Variants in GDA observed in about 807,000 individuals in gnomAD.
GDA encodes guanine deaminase.
A neutral mutation model predicts 59.6 loss-of-function variants in GDA; 18 were observed. The ratio of observed to expected loss-of-function variants is 0.30; its 90% CI spans 0.21 to 0.45. The LOEUF is 0.45. Among genes scored for constraint, GDA ranks in the 20% least tolerant of loss-of-function variants. GDA has a pLI of 1.00. For missense variants in GDA, 427 were observed against 552.3 expected, an observed-to-expected ratio of 0.77 and a Z score of 2.27; for synonymous variants, 201 against 201.1, an observed-to-expected ratio of 1.00 and a Z score of 0.00.
upstream of GDA, among the ~76,000 whole-genome samples, chr9:72,145,743 T>A (rs1826604314): frequency 6.6e-6 from 1 of 152,216 alleles, no homozygotes; most frequent in Non-Finnish European, 1.5e-5. Flanking sequence ...AATGAAGCTT[T>A]AAAATTTTTC....
chr9:72,207,237 TTC>T (rs370272020), intron 3 of GDA, among the ~76,000 whole-genome samples: 1 of 152,198 alleles, frequency 6.6e-6, no homozygotes, highest in African/African-American at 2.4e-5. Flanking sequence ...CTCTTTCTCT[TTC>T]TCTCTCTTTC....
intron 12 of GDA, among the ~76,000 whole-genome samples, chr9:72,245,747 G>A (rs1840068372): frequency 6.6e-6 from 1 of 152,184 alleles, no homozygotes; most frequent in Admixed American, 6.5e-5. Context: ...ATTCACACCT[G>A]GGACTTTCTG....
chr9:72,255,125 G>A (rs571311031), downstream of GDA, among the ~76,000 whole-genome samples: 9 of 152,276 alleles, frequency 5.9e-5, no homozygotes, highest in African/African-American at 2.2e-4. Flanking sequence ...TACAGAGCAG[G>A]GCTAACTCAT....
At chr9:72,188,129 A>G (rs1419266231) in intron 1 of GDA, among the ~76,000 whole-genome samples, 2 of 152,186 alleles carry the variant, frequency 1.3e-5, no homozygotes, top group African/African-American at 4.8e-5. Flanking sequence ...AGATTTGGAA[A>G]ATTTGCAGCC....
intron 5 of GDA, among the ~76,000 whole-genome samples, chr9:72,218,124 G>A (rs1836377765): frequency 6.6e-6 from 1 of 152,064 alleles, no homozygotes; most frequent in Admixed American, 6.6e-5. Flanking sequence ...ACATTGGCCA[G>A]GCTGATCTTG....
At chr9:72,159,497 T>C (rs1177035775) in intron 1 of GDA, among the ~76,000 whole-genome samples, 2 of 152,160 alleles carry the variant, frequency 1.3e-5, no homozygotes, top group Admixed American at 1.3e-4. Flanking sequence ...TTACAGCCCA[T>C]TGATTCATGA....
intron 6 of GDA, among the ~76,000 whole-genome samples, chr9:72,222,358 A>G (rs1287716107): frequency 6.6e-6 from 1 of 152,140 alleles, no homozygotes; most frequent in Admixed American, 6.5e-5. Context: ...CATCAATCAT[A>G]TGTAAAACAG....
intron 1 of GDA, among the ~76,000 whole-genome samples, chr9:72,130,018 G>A (rs1189024848): frequency 6.6e-6 from 1 of 152,142 alleles, no homozygotes; most frequent in Admixed American, 6.5e-5. Flanking sequence ...TGTTGGATGG[G>A]CATTGGAAAT....
rs569608354 is a variant in GDA at position 72,251,251 on chromosome 9, T to C, written c.*2909T>C. Reference sequence around the variant, plus strand: ...TAAAGTGTACCCTTCAATATCCCCATTGGCAACTGCAGCTGAGATCTTAGA... The same window carrying C: ...TAAAGTGTACCCTTCAATATCCCCACTGGCAACTGCAGCTGAGATCTTAGA... On this transcript the variant is annotated 3_prime_UTR_variant, in exon 14 of 14. Transcript: ENST00000358399. 6.2e-6 allele frequency: 1 copy of C among 161,314 alleles called. No individual in the cohort carries two copies. Among genetic ancestry groups the C allele is most frequent in the Non-Finnish European group, 1.4e-5 (1 of 73,992 alleles). 10.0% of individuals were successfully genotyped at this position (161,314 alleles called of 1,614,324 possible). A position where few individuals can be genotyped will look rare whatever the true frequency, so the allele number is the denominator to read the frequency against.
At chr9:72,171,420 G>T (rs1829959903) in intron 1 of GDA, among the ~76,000 whole-genome samples, 1 of 152,052 alleles carries the variant, frequency 6.6e-6, no homozygotes. Flanking sequence ...TTCTAAATCT[G>T]GACTTTGTAG....
Position 72,227,934 on chromosome 9 carries a change from T to C in GDA, c.823-9T>C. 1.3e-6 allele frequency: 2 copies of C among 1,519,442 alleles called. No homozygotes were observed. Among genetic ancestry groups the C allele is most frequent in the Non-Finnish European group, 1.8e-6 (2 of 1,095,528 alleles). The allele number at this position is 1,519,442 out of a possible 1,614,324, so 94.1% of individuals were successfully genotyped here. On this transcript the variant is annotated splice_polypyrimidine_tract_variant and intron_variant, in intron 8 of 13. Coordinates refer to ENST00000358399, the MANE Select transcript of GDA (RefSeq NM_004293.5). ...CGGTAAACTCCACGTAGGGCACTCTTCTCTCCAGACAGTGATGGCACACGG... is the reference window on the plus strand; with the variant it reads ...CGGTAAACTCCACGTAGGGCACTCTCCTCTCCAGACAGTGATGGCACACGG...
At chr9:72,169,538 G>A (rs538448111) in intron 1 of GDA, among the ~76,000 whole-genome samples, 1 of 152,310 alleles carries the variant, frequency 6.6e-6, no homozygotes, top group Admixed American at 6.5e-5. Flanking sequence ...TACTCTGAAT[G>A]CATGCTTTCT....
chr9:72,177,092 C>CTTTTTTTTT (rs58433062), intron 1 of GDA, among the ~76,000 whole-genome samples: 2 of 67,796 alleles, frequency 3.0e-5, no homozygotes, highest in Non-Finnish European at 2.7e-5. Flanking sequence ...TTATAAACTG[C>CTTTTTTTTT]TTTTTTTTTT....
intron 10 of GDA, among the ~76,000 whole-genome samples, chr9:72,232,064 C>T (rs1349463725): frequency 4.6e-5 from 7 of 152,210 alleles, no homozygotes; most frequent in Admixed American, 6.5e-5. Flanking sequence ...AGTGTGCAAG[C>T]GTTGCTTGCT....
chr9:72,135,809 C>T (rs903181603), intron 1 of GDA, among the ~76,000 whole-genome samples: 1 of 151,928 alleles, frequency 6.6e-6, no homozygotes, highest in Non-Finnish European at 1.5e-5. Flanking sequence ...CGGGGTTTTA[C>T]CATGTTGGCC....
At chr9:72,259,100 C>T (rs1427607894), downstream of GDA, among the ~76,000 whole-genome samples, 2 of 151,480 alleles carry the variant, frequency 1.3e-5, no homozygotes, top group Non-Finnish European at 2.9e-5. Context: ...TCTCGGCTCA[C>T]TGCAACCTCT....
chr9:72,153,092 G>A (rs1460847774), intron 1 of GDA, among the ~76,000 whole-genome samples: 4 of 152,164 alleles, frequency 2.6e-5, no homozygotes, highest in African/African-American at 9.7e-5. Context: ...TCAAAGATCA[G>A]ATAGTTGTAG....
At chr9:72,137,314 T>A (rs1467943117) in intron 1 of GDA, among the ~76,000 whole-genome samples, 3 of 135,442 alleles carry the variant, frequency 2.2e-5, no homozygotes, top group Non-Finnish European at 3.1e-5. Flanking sequence ...TGGTGCCATC[T>A]CAGCTCACTG....
chr9:72,160,282 C>T (rs7034622), intron 1 of GDA, among the ~76,000 whole-genome samples: 28,269 of 152,098 alleles, frequency 0.19, 2,984 homozygotes, highest in African/African-American at 0.3. Context: ...GCACTCCAGC[C>T]TGGGCAACAG....
Sources: gnomAD v4.1 joint callset for allele counts (sites outside exome capture counted in the v4.1 genomes callset) on GRCh38, gnomAD v4.1.1 for gene constraint, MANE v1.5 for transcripts, NCBI Gene and HGNC (gene_info 2026-07-23, HGNC 2026-07-21) for gene names.